The following PPP3CC variants were observed in gnomAD, a reference collection of about 807,000 sequenced individuals.
The protein encoded by PPP3CC is serine/threonine-protein phosphatase 2B catalytic subunit gamma isoform.
A neutral mutation model predicts 60.3 loss-of-function variants in PPP3CC; 35 were observed. That is an observed-to-expected ratio of 0.58 (90% CI 0.44 to 0.77). The LOEUF (loss-of-function observed/expected upper bound fraction) is 0.77, where lower values mean the gene tolerates loss of function less well. Ranked by LOEUF, PPP3CC falls within the 30% of genes least tolerant of loss-of-function variation. PPP3CC has a pLI of 0.00. For missense variants in PPP3CC, 570 were observed against 628.9 expected (o/e 0.91, Z 1.00); for synonymous variants, 206 against 224.3 (o/e 0.92, Z 0.73).
chr8:22,540,875 GA>G lies in PPP3CC; in HGVS notation c.*77del. ...TTCTATTTATTTATTATTGGAAAAT[GA>G]AAAGCAACTCAAAACAACTTCAACG... is the stretch of plus-strand genomic sequence containing the variant. On this transcript the variant is annotated 3_prime_UTR_variant, in exon 14 of 14. Coordinates refer to ENST00000240139, the MANE Select transcript of PPP3CC (RefSeq NM_005605.5). 1 of 1,345,712 alleles carries G rather than the reference GA, an allele frequency of 7.4e-7. No individual in the cohort carries two copies. The highest frequency in any genetic ancestry group is 1.8e-5 in the South Asian group (1 of 56,800). 83.4% of individuals were successfully genotyped at this position (1,345,712 alleles called of 1,614,324 possible).
intron 3 of PPP3CC, among the ~76,000 whole-genome samples, chr8:22,489,339 T>A (rs1013642210): frequency 6.6e-6 from 1 of 151,886 alleles, no homozygotes; most frequent in East Asian, 1.9e-4. Flanking sequence ...TCCCTCTTTT[T>A]TGTTTTATTC....
chr8:22,495,969 G>T (rs1838567437), intron 3 of PPP3CC, among the ~76,000 whole-genome samples: 1 of 152,132 alleles, frequency 6.6e-6, no homozygotes, highest in Non-Finnish European at 1.5e-5. Context: ...CCTACACCAG[G>T]CTTAAGAAGA....
At chr8:22,487,629 G>GA (rs147802318) in intron 3 of PPP3CC, among the ~76,000 whole-genome samples, 58 of 146,906 alleles carry the variant, frequency 3.9e-4, no homozygotes, top group South Asian at 1.3e-3. Flanking sequence ...TGTCTAAAGA[G>GA]AAAAAAAAAA....
At chr8:22,528,729 A>T in intron 10 of PPP3CC, 152 bp downstream of exon 10, 1 of 591,528 alleles carries the variant, frequency 1.7e-6, no homozygotes, top group Non-Finnish European at 2.7e-6. Context: ...AGAAACCATA[A>T]ATAAGGAAAA....
intron 4 of PPP3CC, among the ~76,000 whole-genome samples, chr8:22,505,715 T>C (rs1838896089): frequency 1.3e-5 from 2 of 152,244 alleles, no homozygotes; most frequent in South Asian, 4.1e-4. Context: ...TATAAGGAAA[T>C]GAAGATCCAG....
chr8:22,460,039 T>C (rs1837321078), intron 1 of PPP3CC, among the ~76,000 whole-genome samples: 1 of 152,174 alleles, frequency 6.6e-6, no homozygotes, highest in Non-Finnish European at 1.5e-5. Flanking sequence ...CTATATAGTA[T>C]AACTGATTAT....
At chr8:22,490,025 A>G (rs1586827209) in intron 3 of PPP3CC, among the ~76,000 whole-genome samples, 1 of 151,550 alleles carries the variant, frequency 6.6e-6, no homozygotes, top group Admixed American at 6.6e-5. Flanking sequence ...AGGTTTCACC[A>G]TGTTAGCCAG....
At chr8:22,443,264 T>A (rs1186213212) in intron 1 of PPP3CC, among the ~76,000 whole-genome samples, 2 of 152,184 alleles carry the variant, frequency 1.3e-5, no homozygotes, top group Non-Finnish European at 2.9e-5. Context: ...GGCTCACGCC[T>A]GTAACCCCAG....
intron 13 of PPP3CC, among the ~76,000 whole-genome samples, chr8:22,539,973 C>T (rs1316305456): frequency 1.3e-5 from 2 of 152,212 alleles, no homozygotes; most frequent in African/African-American, 2.4e-5. Flanking sequence ...CTATGAAAAC[C>T]ATTGGAACTG....
chr8:22,496,878 T>A (rs2979304), intron 3 of PPP3CC, among the ~76,000 whole-genome samples: 2 of 152,190 alleles, frequency 1.3e-5, no homozygotes, highest in Non-Finnish European at 2.9e-5. Flanking sequence ...TACTTTTATG[T>A]CTTATAGGGA....
chr8:22,480,718 A>C (rs1226270554), intron 3 of PPP3CC, among the ~76,000 whole-genome samples: 1 of 152,084 alleles, frequency 6.6e-6, no homozygotes, highest in Non-Finnish European at 1.5e-5. Flanking sequence ...ATCTCAGGTG[A>C]TCCACCTGCC....
At chr8:22,463,518 A>G (rs141371462) in intron 1 of PPP3CC, among the ~76,000 whole-genome samples, 163 of 152,304 alleles carry the variant, frequency 1.1e-3, no homozygotes, top group Non-Finnish European at 1.9e-3. Context: ...GCTTTAGTTG[A>G]TTTATTATAT....
intron 6 of PPP3CC, among the ~76,000 whole-genome samples, chr8:22,520,460 A>T (rs1839375997): frequency 6.6e-6 from 1 of 151,906 alleles, no homozygotes; most frequent in Admixed American, 6.6e-5. Flanking sequence ...TTTTCACTTG[A>T]TGTTGTCCCA....
rs745320440 is a variant in PPP3CC at position 22,511,045 on chromosome 8, C to A, written c.485-41C>A. ...CCTATATCCTTTTTCAAATGTGATA[C>A]GTTTTAGTTCTTCCATTGACTGGTT... On this transcript the variant is annotated intron_variant, in intron 4 of 13. Coordinates refer to ENST00000240139, the MANE Select transcript of PPP3CC (RefSeq NM_005605.5). The A allele has an allele frequency of 3.1e-6, 5 of 1,596,446 alleles. No homozygotes were observed. In the South Asian group the frequency reaches 5.6e-5, roughly 18 times the overall value.
intron 3 of PPP3CC, among the ~76,000 whole-genome samples, chr8:22,489,079 T>C (rs1228996418): frequency 1.3e-5 from 2 of 152,102 alleles, no homozygotes; most frequent in Non-Finnish European, 2.9e-5. Flanking sequence ...TTCACATTTA[T>C]GTTTTAAAAC....
chr8:22,493,042 CT>C, intron 3 of PPP3CC: 1 of 1,392,008 alleles, frequency 7.2e-7, no homozygotes, highest in African/African-American at 1.4e-5. Flanking sequence ...GAAGTTCCAG[CT>C]CTTGTGGAGA....
At chr8:22,481,323 G>A (rs943720736) in intron 3 of PPP3CC, among the ~76,000 whole-genome samples, 7 of 149,264 alleles carry the variant, frequency 4.7e-5, no homozygotes, top group South Asian at 2.1e-4. Flanking sequence ...CAACAAGAGC[G>A]AAACTCTGTC....
At chr8:22,487,700 T>C (rs1203229207) in intron 3 of PPP3CC, among the ~76,000 whole-genome samples, 1 of 152,192 alleles carries the variant, frequency 6.6e-6, no homozygotes, top group East Asian at 1.9e-4. Flanking sequence ...GTTTCTTTAA[T>C]TGATTTTGTG....
At chr8:22,490,128 A>G (rs1232609834) in intron 3 of PPP3CC, among the ~76,000 whole-genome samples, 1 of 151,990 alleles carries the variant, frequency 6.6e-6, no homozygotes, top group African/African-American at 2.4e-5. Flanking sequence ...GAGCCAATAC[A>G]TCTAATATAT....
Sources: gnomAD v4.1 joint callset for allele counts (sites outside exome capture counted in the v4.1 genomes callset) on GRCh38, gnomAD v4.1.1 for gene constraint, MANE v1.5 for transcripts, NCBI Gene and HGNC (gene_info 2026-07-23, HGNC 2026-07-21) for gene names.